RARB: variants seen among roughly 807,000 people sequenced by gnomAD.
The protein encoded by RARB is HBV-activated protein.
Under a neutral mutation model 51.9 loss-of-function variants are expected in RARB, and 17 were observed. The observed-to-expected ratio is 0.33, with a 90% CI of 0.22 to 0.49. RARB has a LOEUF of 0.49. Among genes scored for constraint, RARB ranks in the 20% least tolerant of loss-of-function variants. The probability of loss-of-function intolerance (pLI) is 0.99; values close to 1 mark genes in which losing one functional copy is unlikely to be tolerated. For synonymous variants in RARB, 215 were observed against 195.4 expected (o/e 1.10, Z -0.84); for missense variants, 369 against 550.8 (o/e 0.67, Z 3.30).
intron 4 of RARB, among the ~76,000 whole-genome samples, chr3:25,571,999 C>A (rs1001869651): frequency 1.1e-4 from 17 of 152,194 alleles, no homozygotes; most frequent in African/African-American, 3.6e-4. Context: ...CCATTTATTT[C>A]TTTTAGAAAT....
At chr3:25,225,230 G>A (rs1433378117) in intron 5 of RARB, among the ~76,000 whole-genome samples, 1 of 152,108 alleles carries the variant, frequency 6.6e-6, no homozygotes, top group Non-Finnish European at 1.5e-5. Context: ...AGTACAAAGG[G>A]ACAAACAAAG....
intron 2 of RARB, among the ~76,000 whole-genome samples, chr3:25,462,989 C>A (rs141351818): frequency 9.8e-4 from 149 of 152,336 alleles, no homozygotes; most frequent in Non-Finnish European, 1.6e-3. Flanking sequence ...GGAACATCAA[C>A]TCAACTTTTG....
chr3:25,488,086 A>G (rs939936081), intron 2 of RARB, among the ~76,000 whole-genome samples: 1 of 152,220 alleles, frequency 6.6e-6, no homozygotes, highest in East Asian at 1.9e-4. Flanking sequence ...ACAATTCCCC[A>G]AAGTCTAGGG....
At chr3:25,023,176 T>G (rs1204236042) in intron 2 of RARB, among the ~76,000 whole-genome samples, 1 of 152,164 alleles carries the variant, frequency 6.6e-6, no homozygotes. Context: ...ATAGTAGGCC[T>G]AATTTAAGAG....
rs560812370 is a variant in RARB, at chr3:24,906,052, C to G, written c.-380+47300C>G. Among the ~76,000 whole-genome samples the G allele has an allele frequency of 5.3e-5, 8 of 152,202 alleles. No individual in the cohort carries two copies. The Middle Eastern group carries it at 0.01, about 195-fold the overall frequency. On this transcript the variant is annotated intron_variant, in intron 2 of 11. Coordinates refer to the RARB transcript ENST00000383772. Reference sequence around the variant, plus strand: ...ACCACAGTGGGGTCTTAGTTCCTCTCAGAAAATACAGTACTAACAAAAAAT... The same window carrying G: ...ACCACAGTGGGGTCTTAGTTCCTCTGAGAAAATACAGTACTAACAAAAAAT...
chr3:25,339,530 C>T (rs11920003), intron 5 of RARB, among the ~76,000 whole-genome samples: 4 of 151,554 alleles, frequency 2.6e-5, no homozygotes, highest in Non-Finnish European at 4.4e-5. Flanking sequence ...CTGCTGGAAT[C>T]GCAAATCGTT....
intron 5 of RARB, among the ~76,000 whole-genome samples, chr3:25,224,744 A>G (rs1702018197): frequency 6.6e-6 from 1 of 151,984 alleles, no homozygotes; most frequent in South Asian, 2.1e-4. Context: ...AGTAGATGAG[A>G]CTACAGGTGT....
intron 2 of RARB, among the ~76,000 whole-genome samples, chr3:25,052,782 G>A (rs1190467655): frequency 6.6e-6 from 1 of 151,950 alleles, no homozygotes; most frequent in Non-Finnish European, 1.5e-5. Flanking sequence ...AGGTAGTTTT[G>A]TGTTCTCCAT....
chr3:25,150,225 A>T (rs951260592), intron 4 of RARB, among the ~76,000 whole-genome samples: 1 of 152,008 alleles, frequency 6.6e-6, no homozygotes, highest in Non-Finnish European at 1.5e-5. Flanking sequence ...ATTGTTAAAC[A>T]TCTAACCTGA....
At chr3:25,532,355 A>G (rs1386986852) in intron 3 of RARB, among the ~76,000 whole-genome samples, 1 of 152,202 alleles carries the variant, frequency 6.6e-6, no homozygotes, top group African/African-American at 2.4e-5. Context: ...TCATGTGGCT[A>G]CATTTTCTTC....
intron 5 of RARB, among the ~76,000 whole-genome samples, chr3:25,202,594 A>G (rs1701424572): frequency 1.3e-5 from 2 of 152,206 alleles, no homozygotes; most frequent in Admixed American, 6.6e-5. Context: ...TTCCCTCTAC[A>G]CACGGCTTTA....
intron 5 of RARB, among the ~76,000 whole-genome samples, chr3:25,216,670 CAA>C (rs1346342369): frequency 6.6e-6 from 1 of 150,724 alleles, no homozygotes; most frequent in African/African-American, 2.4e-5. Flanking sequence ...CTTATTGCAA[CAA>C]ATCTGCACAT....
chr3:25,536,950 CA>C (rs1263732613), intron 3 of RARB, among the ~76,000 whole-genome samples: 1 of 152,154 alleles, frequency 6.6e-6, no homozygotes, highest in Non-Finnish European at 1.5e-5. Context: ...ATGGTGGATC[CA>C]GTTCAGAGAA....
chr3:25,479,319 A>T (rs1696115852), intron 2 of RARB, among the ~76,000 whole-genome samples: 1 of 152,200 alleles, frequency 6.6e-6, no homozygotes, highest in Non-Finnish European at 1.5e-5. Context: ...TTATGAAATG[A>T]AAGGTGTCTT....
intron 3 of RARB, among the ~76,000 whole-genome samples, chr3:25,085,977 C>T (rs1209983043): frequency 6.6e-6 from 1 of 152,140 alleles, no homozygotes; most frequent in Non-Finnish European, 1.5e-5. Flanking sequence ...AAGAAGTTCT[C>T]CTCCACGTAA....
intron 3 of RARB, among the ~76,000 whole-genome samples, chr3:25,084,829 T>G (rs531778646): frequency 2.3e-4 from 35 of 152,096 alleles, no homozygotes; most frequent in Middle Eastern, 6.8e-3. Context: ...TAAATTAGAT[T>G]TTAAAGTCAA....
chr3:25,494,468 T>C (rs1696924125), intron 2 of RARB, among the ~76,000 whole-genome samples: 1 of 152,242 alleles, frequency 6.6e-6, no homozygotes, highest in South Asian at 2.1e-4. Flanking sequence ...CCTAAGGCCT[T>C]TATTTGCTCA....
At chr3:25,407,372 A>G (rs1468437389) in intron 5 of RARB, among the ~76,000 whole-genome samples, 1 of 152,236 alleles carries the variant, frequency 6.6e-6, no homozygotes, top group African/African-American at 2.4e-5. Flanking sequence ...CAGTTTCATC[A>G]TCATATTTAA....
intron 4 of RARB, among the ~76,000 whole-genome samples, chr3:25,574,802 G>A (rs369028633): frequency 6.6e-6 from 1 of 152,084 alleles, no homozygotes; most frequent in African/African-American, 2.4e-5. Flanking sequence ...GGGTGGACTC[G>A]GTGCGCTTTT....
Sources: gnomAD v4.1 joint callset for allele counts (sites outside exome capture counted in the v4.1 genomes callset) on GRCh38, gnomAD v4.1.1 for gene constraint, MANE v1.5 for transcripts, NCBI Gene and HGNC (gene_info 2026-07-23, HGNC 2026-07-21) for gene names.